The following TMEM165 variants were observed in gnomAD, a reference collection of about 807,000 sequenced individuals.
TMEM165 encodes putative divalent cation/proton antiporter TMEM165.
TMEM165 carries 19 observed loss-of-function variants against 30.0 expected under a neutral mutation model. That is an observed-to-expected ratio of 0.63 (90% CI 0.44 to 0.93). TMEM165 has a LOEUF of 0.93. Ranked by LOEUF, TMEM165 falls within the 40% of genes least tolerant of loss-of-function variation. The pLI is 0.00. For synonymous variants in TMEM165, 168 were observed against 162.9 expected (o/e 1.03, Z -0.24); for missense variants, 340 against 417.0 (o/e 0.82, Z 1.61).
chr4:55,411,790 C>G lies in TMEM165; in HGVS notation c.384C>G (p.Thr128=), dbSNP rs141673565. The change falls in exon 2 of 6, where the codon ACC becomes ACG. Residue 128 remains threonine, a synonymous_variant. Transcript: ENST00000381334. Reference sequence around the variant, plus strand: ...TGGCAATGCGCTATAACCGCCTGACCGTGCTGGCTGGTGCAATGCTTGCCT... The same window carrying G: ...TGGCAATGCGCTATAACCGCCTGACGGTGCTGGCTGGTGCAATGCTTGCCT... The part of the protein sequence containing the change: ...AIMAMRYNRL[T]VLAGAMLALG... The G allele has an allele frequency of 6.2e-7, 1 of 1,614,172 alleles. No homozygotes were observed. The highest frequency in any genetic ancestry group is 1.7e-5 in the Admixed American group (1 of 60,026).
chr4:55,415,108 AT>A (rs1281793419), intron 2 of TMEM165, among the ~76,000 whole-genome samples: 37 of 152,296 alleles, frequency 2.4e-4, no homozygotes, highest in African/African-American at 8.9e-4. Flanking sequence ...TTCTTGCATA[AT>A]TAGATCTTTC....
intron 1 of TMEM165, among the ~76,000 whole-genome samples, chr4:55,405,099 G>A (rs1258049745): frequency 3.3e-5 from 5 of 151,742 alleles, no homozygotes; most frequent in Admixed American, 6.6e-5. Flanking sequence ...TCTCTAAGGC[G>A]CATTCTTTGA....
intron 3 of TMEM165, chr4:55,449,987 A>T: frequency 7.3e-7 from 1 of 1,371,564 alleles, no homozygotes; most frequent in Admixed American, 2.0e-5. Flanking sequence ...AAATGTAAAA[A>T]CTTATAATTT....
chr4:55,433,035 C>G (rs900683833), intron 3 of TMEM165: 15 of 152,488 alleles, frequency 9.8e-5, no homozygotes, highest in Non-Finnish European at 1.8e-4. Flanking sequence ...TTCTTCATAT[C>G]TTTTGTTAGC....
chr4:55,453,272 TATA>T, exon 4 of TMEM165: 1 of 667,490 alleles, frequency 1.5e-6, no homozygotes, highest in South Asian at 2.0e-5. Context: ...AAAATATACC[TATA>T]ATGTCTTAAT....
intron 3 of TMEM165, chr4:55,444,671 G>T (rs1279304508): frequency 6.2e-7 from 1 of 1,614,026 alleles, no homozygotes; most frequent in Admixed American, 1.7e-5. Context: ...AGTTGTTCTT[G>T]AATTTTTCTT....
chr4:55,425,545 C>G lies in TMEM165; in HGVS notation c.*93C>G. ...TACAACTAAAAGTGATGGAAAAATA[C>G]TGTATTTTGTAGCACTGATTTTGTG... On this transcript the variant is annotated 3_prime_UTR_variant, in exon 6 of 6. Coordinates refer to ENST00000381334, the MANE Select transcript of TMEM165 (RefSeq NM_018475.5). 1 of 1,010,138 alleles carries G rather than the reference C, an allele frequency of 9.9e-7. No individual in the cohort carries two copies. The highest frequency in any genetic ancestry group is 1.5e-6 in the Non-Finnish European group (1 of 664,100). 62.6% of individuals were successfully genotyped at this position (1,010,138 alleles called of 1,614,324 possible). A position where few individuals can be genotyped will look rare whatever the true frequency, so the allele number is the denominator to read the frequency against.
chr4:55,416,529 A>G (rs1489412207), intron 2 of TMEM165, among the ~76,000 whole-genome samples: 1 of 152,220 alleles, frequency 6.6e-6, no homozygotes, highest in Non-Finnish European at 1.5e-5. Flanking sequence ...AGAAATTTTT[A>G]GATTTTTTTC....
At chr4:55,442,265 T>C in intron 3 of TMEM165, 1 of 670,722 alleles carries the variant, frequency 1.5e-6, no homozygotes, top group South Asian at 2.0e-5. Flanking sequence ...TTATGAAGTC[T>C]TTAAACAATG....
chr4:55,435,378 C>G, intron 3 of TMEM165: 1 of 1,611,952 alleles, frequency 6.2e-7, no homozygotes, highest in East Asian at 2.2e-5. Context: ...TGGGCCATCC[C>G]CTTCCTCCCT....
At chr4:55,403,579 A>AC (rs1350151046) in intron 1 of TMEM165, among the ~76,000 whole-genome samples, 1 of 150,686 alleles carries the variant, frequency 6.6e-6, no homozygotes, top group Non-Finnish European at 1.5e-5. Context: ...GTTTTTTTAA[A>AC]AAAATCTTAA....
intron 4 of TMEM165, chr4:55,418,241 G>A (rs537991303): frequency 2.5e-5 from 9 of 359,256 alleles, no homozygotes; most frequent in East Asian, 4.6e-5. Context: ...AAATGATGCC[G>A]TGGTACTTGT....
chr4:55,452,349 C>G (rs989624255), exon 4 of TMEM165: 9 of 152,240 alleles, frequency 5.9e-5, no homozygotes, highest in African/African-American at 2.2e-4. Flanking sequence ...CTCAGTCCAA[C>G]TGCCCATGAG....
intron 3 of TMEM165, chr4:55,434,179 G>A (rs977154283): frequency 2.0e-5 from 3 of 152,722 alleles, no homozygotes; most frequent in African/African-American, 7.2e-5. Flanking sequence ...CTTCAAGATG[G>A]TGAGTTATCA....
At chr4:55,407,090 C>T (rs1160576522) in intron 1 of TMEM165, among the ~76,000 whole-genome samples, 1 of 152,182 alleles carries the variant, frequency 6.6e-6, no homozygotes, top group East Asian at 1.9e-4. Context: ...TACTCATTGC[C>T]CACAGTTTGC....
At chr4:55,442,449 A>G in intron 3 of TMEM165, 1 of 1,609,170 alleles carries the variant, frequency 6.2e-7, no homozygotes, top group Non-Finnish European at 8.5e-7. Flanking sequence ...GCCTGTCCTG[A>G]GTGAATGTAG....
At chr4:55,429,084 T>C (rs1415620523), downstream of TMEM165, 1 of 151,896 alleles carries the variant, frequency 6.6e-6, no homozygotes, top group Non-Finnish European at 1.5e-5. Flanking sequence ...TTATTTTAAC[T>C]TAACTACTGG....
chr4:55,407,442 C>T (rs1382018859), intron 1 of TMEM165, among the ~76,000 whole-genome samples: 1 of 152,152 alleles, frequency 6.6e-6, no homozygotes, highest in Admixed American at 6.5e-5. Context: ...GTTAAAATAT[C>T]TCAGTAGTTT....
At chr4:55,415,414 T>C (rs1452669322) in intron 2 of TMEM165, 2 of 152,158 alleles carry the variant, frequency 1.3e-5, no homozygotes, top group African/African-American at 4.8e-5. Flanking sequence ...CAACAAGATA[T>C]TACAGGTTCA....
Sources: gnomAD v4.1 joint callset for allele counts (sites outside exome capture counted in the v4.1 genomes callset) on GRCh38, gnomAD v4.1.1 for gene constraint, MANE v1.5 for transcripts, NCBI Gene and HGNC (gene_info 2026-07-23, HGNC 2026-07-21) for gene names.